The following SEMA4G variants were observed in gnomAD, a reference collection of about 807,000 sequenced individuals.
The protein encoded by SEMA4G is semaphorin-4G.
A neutral mutation model predicts 81.2 loss-of-function variants in SEMA4G; 59 were observed. That is an observed-to-expected ratio of 0.73 (90% confidence interval 0.59 to 0.90). SEMA4G has a LOEUF of 0.90. SEMA4G is among the 40% of genes least tolerant of loss of function. The probability of loss-of-function intolerance (pLI) is 0.00; values close to 1 mark genes in which losing one functional copy is unlikely to be tolerated. For synonymous variants in SEMA4G, 404 were observed against 433.9 expected (o/e 0.93, Z 0.86); for missense variants, 952 against 1,102.3 (o/e 0.86, Z 1.93).
At chr10:100,978,253 CCT>C in intron 4 of SEMA4G, 40 bp from the exon 6 acceptor site, 1 of 1,487,162 alleles carries the variant, frequency 6.7e-7, no homozygotes, top group Non-Finnish European at 9.3e-7. Context: ...ACTGTCCCTG[CCT>C]GTCTTCGGAA....
At position 100,984,424 on chromosome 10, in the gene SEMA4G, A is replaced by G. The variant is rs2295717; in HGVS notation, c.*293A>G. ...CCAGTTCCTATCCCCTAACCTAAAC[A>G]CTTATAGGTGAGGACTCCATCCTCC... is the stretch of plus-strand genomic sequence containing the variant. On this transcript the variant is annotated 3_prime_UTR_variant, in exon 14 of 14. Coordinates refer to ENST00000370250, the Ensembl canonical transcript of SEMA4G. 261 of 1,477,206 alleles carry G rather than the reference A, an allele frequency of 1.8e-4. No individual in the cohort carries two copies. The East Asian group carries it at 5.1e-3, about 29-fold the overall frequency. The allele number at this position is 1,477,206 out of a possible 1,614,324, so 91.5% of individuals were successfully genotyped here.
exon 14 of SEMA4G, chr10:100,984,380 G>A: frequency 6.9e-7 from 1 of 1,448,908 alleles, no homozygotes; most frequent in Non-Finnish European, 9.0e-7. Context: ...TCAGGATCAG[G>A]TGCCCTGCAG....
upstream of SEMA4G, among the ~76,000 whole-genome samples, chr10:100,972,352 C>G (rs528371641): frequency 6.6e-6 from 1 of 151,988 alleles, no homozygotes; most frequent in Non-Finnish European, 1.5e-5. Flanking sequence ...AAGTTCCACC[C>G]CAGCCTCCTG....
At chr10:100,984,765 C>T (rs938445182) in exon 14 of SEMA4G, 135 of 1,535,942 alleles carry the variant, frequency 8.8e-5, no homozygotes, top group Non-Finnish European at 1.1e-4. Context: ...ATGTGGTGAC[C>T]TCTTTGTCAA....
chr10:100,984,228 C>A, exon 14 of SEMA4G: 1 of 1,473,836 alleles, frequency 6.8e-7, no homozygotes. Flanking sequence ...TTCATTACCC[C>A]CACTCCATAC....
At chr10:100,983,645 T>C (rs1851250291) in exon 14 of SEMA4G, 2 of 1,613,840 alleles carry the variant, frequency 1.2e-6, no homozygotes, top group Non-Finnish European at 1.7e-6. Flanking sequence ...GACTGCTCTA[T>C]GTGCTAGCCA....
exon 10 of SEMA4G, chr10:100,980,180 T>C (rs1850996705): frequency 6.2e-7 from 1 of 1,614,270 alleles, no homozygotes. Flanking sequence ...TTGCCATCCC[T>C]GGTCCTGGAC....
chr10:100,978,947 G>C, exon 7 of SEMA4G: 1 of 1,614,192 alleles, frequency 6.2e-7, no homozygotes, highest in Non-Finnish European at 8.5e-7. Flanking sequence ...GCGTGCCACT[G>C]AGGAGGGCTC....
chr10:100,980,776 G>C, intron 11 of SEMA4G, 46 bp from the exon 13 acceptor site: 1 of 1,587,132 alleles, frequency 6.3e-7, no homozygotes, highest in Non-Finnish European at 8.6e-7. Flanking sequence ...CTGTGTATCT[G>C]TATGAGTGGG....
At chr10:100,978,448 T>C in intron 5 of SEMA4G, 60 bp downstream of exon 6, 2 of 1,596,996 alleles carry the variant, frequency 1.3e-6, no homozygotes. Context: ...ATCTCATCTC[T>C]AGGACCTGCC....
At chr10:100,980,259 G>A in exon 10 of SEMA4G, 5 of 1,614,242 alleles carry the variant, frequency 3.1e-6, no homozygotes, top group Non-Finnish European at 4.2e-6. Context: ...TGCTGCTCAA[G>A]CGCAACATAC....
At chr10:100,983,889 G>A in exon 14 of SEMA4G, 3 of 1,545,268 alleles carry the variant, frequency 1.9e-6, no homozygotes, top group Non-Finnish European at 2.6e-6. Context: ...GATCATCCCT[G>A]GGGAGGGAGC....
chr10:100,969,853 T>TG (rs1403173110), upstream of SEMA4G: 4 of 455,512 alleles, frequency 8.8e-6, no homozygotes, highest in African/African-American at 8.0e-5. Flanking sequence ...CCCCAGGATC[T>TG]GGGTCACGTC....
Position 100,983,298 on chromosome 10 carries a change from C to A in SEMA4G, c.1691-7C>A. On this transcript the variant is annotated splice_polypyrimidine_tract_variant and splice_region_variant and intron_variant, in intron 13 of 13. Coordinates refer to ENST00000370250, the Ensembl canonical transcript of SEMA4G. Reference sequence around the variant, plus strand: ...GCTGGTACTGACCTCTCCCCCAAACCCCACAGGGCCACCACCACCACTGAA... The same window carrying A: ...GCTGGTACTGACCTCTCCCCCAAACACCACAGGGCCACCACCACCACTGAA... The A allele has an allele frequency of 6.6e-7, 1 of 1,521,282 alleles. No individual in the cohort carries two copies. The allele number at this position is 1,521,282 out of a possible 1,614,324, so 94.2% of individuals were successfully genotyped here.
exon 4 of SEMA4G, chr10:100,977,683 C>T (rs1850860820): frequency 6.2e-7 from 1 of 1,614,098 alleles, no homozygotes; most frequent in African/African-American, 1.3e-5. Context: ...TTCTACCCAC[C>T]TCTATGCATG....
At chr10:100,985,159 C>G (rs1851376270), downstream of SEMA4G, 1 of 402,576 alleles carries the variant, frequency 2.5e-6, no homozygotes, top group East Asian at 3.7e-5. Context: ...TTTGCTTCCT[C>G]TAGACTACAG....
At chr10:100,984,067 G>A in exon 14 of SEMA4G, 1 of 1,613,718 alleles carries the variant, frequency 6.2e-7, no homozygotes, top group Non-Finnish European at 8.5e-7. Flanking sequence ...GAGGAACTCA[G>A]CCGCATCCTG....
downstream of SEMA4G, chr10:100,985,048 G>A: frequency 1.2e-6 from 1 of 804,604 alleles, no homozygotes; most frequent in Non-Finnish European, 1.9e-6. Context: ...ATTTCAGAGG[G>A]AGATCCCCCT....
chr10:100,985,054 C>G (rs979738620), downstream of SEMA4G: 3 of 771,530 alleles, frequency 3.9e-6, no homozygotes, highest in Non-Finnish European at 5.9e-6. Flanking sequence ...GAGGGAGATC[C>G]CCCTCCCATT....
Sources: allele counts gnomAD v4.1 joint callset (sites outside exome capture counted in the v4.1 genomes callset), GRCh38; gene constraint gnomAD v4.1.1; transcripts MANE v1.5; gene names NCBI Gene and HGNC (gene_info 2026-07-23, HGNC 2026-07-21).